GLP2R: variants seen among roughly 807,000 people sequenced by gnomAD.
The protein encoded by GLP2R is glucagon-like peptide 2 receptor.
A neutral mutation model predicts 68.2 loss-of-function variants in GLP2R; 59 were observed. That is an observed-to-expected ratio of 0.87 (90% CI 0.70 to 1.07). The LOEUF (loss-of-function observed/expected upper bound fraction) is 1.07. GLP2R is among the 50% of genes least tolerant of loss of function. The pLI is 0.00. For missense variants in GLP2R, 548 were observed against 677.4 expected, an observed-to-expected ratio of 0.81 and a Z score of 2.12; for synonymous variants, 270 against 265.4, an observed-to-expected ratio of 1.02 and a Z score of -0.17.
intron 10 of GLP2R, among the ~76,000 whole-genome samples, chr17:9,872,987 C>G (rs993495548): frequency 3.3e-5 from 5 of 152,212 alleles, no homozygotes; most frequent in Non-Finnish European, 5.9e-5. Context: ...GGGGAGCCGG[C>G]CTGGCCTGGG....
intron 9 of GLP2R, among the ~76,000 whole-genome samples, chr17:9,868,765 G>T (rs2067064506): frequency 6.6e-6 from 1 of 152,186 alleles, no homozygotes; most frequent in Admixed American, 6.5e-5. Flanking sequence ...ACAGAGAACA[G>T]TGAATCAACA....
In GLP2R at chr17:9,870,707, A is replaced by G. The variant is rs767484702; in HGVS notation, c.1057-40A>G. The G allele has an allele frequency of 4.4e-6, 4 of 919,402 alleles. No individual in the cohort carries two copies. The African/African-American group carries it at 4.8e-5, about 11-fold the overall frequency. 57.0% of individuals were successfully genotyped at this position (919,402 alleles called of 1,614,324 possible). A position where few individuals can be genotyped will look rare whatever the true frequency, so the allele number is the denominator to read the frequency against. ...ACCTTGAAGTTCACAGCTATGTGGA[A>G]TTCGTCACTTACTTACCCAATTCTG... On this transcript the variant is annotated intron_variant, in intron 9 of 12. Transcript: ENST00000262441.
At position 9,880,397 on chromosome 17, in the gene GLP2R, G is replaced by A. The variant is rs753260870; in HGVS notation, c.1165G>A (p.Val389Ile). 1 of 1,599,382 alleles carries A rather than the reference G, an allele frequency of 6.3e-7. No homozygotes were observed. Among genetic ancestry groups the A allele is most frequent in the South Asian group, 1.1e-5 (1 of 88,508 alleles). The change falls in exon 11 of 13, where the codon GTC becomes ATC. Residue 389 changes from valine to isoleucine, a missense_variant. Physicochemically the swap from Val to Ile is conservative, Grantham distance 29. Transcript: ENST00000262441. ...TTACAGATTGGCAAAATCAACACTG[G>A]TCCTCATTCCTTTATTGGGCGTTCA... Reference protein sequence around the residue: ...YKYRLAKSTLVLIPLLGVHEI... With the variant: ...YKYRLAKSTLILIPLLGVHEI...
At chr17:9,836,835 A>C (rs756744926) in intron 3 of GLP2R, among the ~76,000 whole-genome samples, 59 of 151,218 alleles carry the variant, frequency 3.9e-4, no homozygotes, top group Admixed American at 7.3e-4. Context: ...TATTATTATT[A>C]TTATTATTAT....
chr17:9,879,488 T>A (rs901567806), intron 10 of GLP2R, among the ~76,000 whole-genome samples: 4 of 151,760 alleles, frequency 2.6e-5, no homozygotes, highest in Non-Finnish European at 4.4e-5. Flanking sequence ...CAGAGGGAGA[T>A]CCTGTCTCTT....
At chr17:9,831,670 T>C (rs2066680772) in intron 1 of GLP2R, among the ~76,000 whole-genome samples, 1 of 152,070 alleles carries the variant, frequency 6.6e-6, no homozygotes. Flanking sequence ...ATGGCTGAGA[T>C]GCTAAATCCT....
At chr17:9,879,002 C>A (rs1014712553) in intron 10 of GLP2R, among the ~76,000 whole-genome samples, 1 of 151,952 alleles carries the variant, frequency 6.6e-6, no homozygotes, top group Non-Finnish European at 1.5e-5. Flanking sequence ...TTGTTCGTAC[C>A]CCGAATATGA....
intron 11 of GLP2R, among the ~76,000 whole-genome samples, chr17:9,881,478 T>A (rs1692951699): frequency 7.4e-6 from 1 of 134,578 alleles, no homozygotes; most frequent in Non-Finnish European, 1.5e-5. Context: ...CCTCCCGGGT[T>A]CACGCCATTC....
chr17:9,885,096 G>A (rs1386095347), intron 11 of GLP2R, among the ~76,000 whole-genome samples: 1 of 151,762 alleles, frequency 6.6e-6, no homozygotes, highest in Admixed American at 6.6e-5. Context: ...TTGGTCATCT[G>A]ATTCTGTGTA....
chr17:9,833,626 G>T (rs2066701106), intron 1 of GLP2R, among the ~76,000 whole-genome samples, 181 bp from the exon 2 acceptor site: 1 of 152,146 alleles, frequency 6.6e-6, no homozygotes, highest in African/African-American at 2.4e-5. Context: ...AGGTTATGGA[G>T]TGAATGTAAA....
intron 7 of GLP2R, 66 bp downstream of exon 7, chr17:9,860,167 CT>C: frequency 7.1e-7 from 1 of 1,416,420 alleles, no homozygotes; most frequent in Non-Finnish European, 9.5e-7. Flanking sequence ...CTGATAGAGA[CT>C]TTAGTTGGAC....
At chr17:9,849,347 A>C (rs967974799) in intron 4 of GLP2R, among the ~76,000 whole-genome samples, 1 of 151,984 alleles carries the variant, frequency 6.6e-6, no homozygotes, top group African/African-American at 2.4e-5. Context: ...GGTACCTCCT[A>C]AGATTAAGGA....
chr17:9,872,572 CA>C (rs1325916322), intron 10 of GLP2R, among the ~76,000 whole-genome samples: 2 of 152,094 alleles, frequency 1.3e-5, no homozygotes, highest in Non-Finnish European at 2.9e-5. Context: ...AGCAAAACTC[CA>C]TCTCAAAAAC....
At chr17:9,852,947 A>G in intron 4 of GLP2R, 1 of 491,206 alleles carries the variant, frequency 2.0e-6, no homozygotes, top group South Asian at 1.8e-5. Flanking sequence ...TCATCTTCTG[A>G]CTCTGCATCT....
intron 1 of GLP2R, among the ~76,000 whole-genome samples, chr17:9,827,474 GC>G (rs1318449648): frequency 6.6e-6 from 1 of 152,090 alleles, no homozygotes; most frequent in Non-Finnish European, 1.5e-5. Context: ...ATATTTAAGG[GC>G]TTTAAGGGTT....
chr17:9,863,745 C>T (rs980902436), intron 9 of GLP2R, among the ~76,000 whole-genome samples: 1 of 152,226 alleles, frequency 6.6e-6, no homozygotes, highest in Non-Finnish European at 1.5e-5. Context: ...CCACACTCTC[C>T]TTTGTTCCTT....
intron 1 of GLP2R, among the ~76,000 whole-genome samples, chr17:9,826,654 T>C (rs530449591): frequency 6.6e-6 from 1 of 152,356 alleles, no homozygotes; most frequent in East Asian, 1.9e-4. Context: ...CAAATCCATT[T>C]TTCTTTTTCC....
Position 9,859,938 on chromosome 17 carries a change from G to A in GLP2R, c.766-4G>A, listed in dbSNP as rs1302997275. ...CTCACCCTCAGGTGTTTTTTCCTCTGCAGATGTCCACCTCCTGCCGCTCAG... is the reference window on the plus strand; with the variant it reads ...CTCACCCTCAGGTGTTTTTTCCTCTACAGATGTCCACCTCCTGCCGCTCAG... On this transcript the variant is annotated splice_polypyrimidine_tract_variant and splice_region_variant and intron_variant, in intron 6 of 12. Transcript: ENST00000262441. 2.5e-6 allele frequency: 4 copies of A among 1,593,090 alleles called. No individual in the cohort carries two copies. The highest frequency in any genetic ancestry group is 2.7e-5 in the African/African-American group (2 of 73,896).
At position 9,887,384 on chromosome 17, in the gene GLP2R, C is replaced by T. The variant is rs564260367; in HGVS notation, c.1285-548C>T. Among the ~76,000 whole-genome samples, 8 of 152,250 alleles carry T rather than the reference C, an allele frequency of 5.3e-5. No homozygotes were observed. The South Asian group carries it at 1.2e-3, about 24-fold the overall frequency. On this transcript the variant is annotated intron_variant, in intron 11 of 12. Coordinates refer to ENST00000262441, the MANE Select transcript of GLP2R (RefSeq NM_004246.3). ...TGTACTAAAAATACAAAAAATTAGT[C>T]GGGCGTGGTGGCGTCCGCCTGTAAT...
Sources: gnomAD v4.1 joint callset for allele counts (sites outside exome capture counted in the v4.1 genomes callset) on GRCh38, gnomAD v4.1.1 for gene constraint, MANE v1.5 for transcripts, NCBI Gene and HGNC (gene_info 2026-07-23, HGNC 2026-07-21) for gene names.